Variants in IRF6 observed in about 807,000 individuals in gnomAD.
IRF6 encodes interferon regulatory factor 6, also known as Van der Woude syndrome.
Under a neutral mutation model 51.4 loss-of-function variants are expected in IRF6, and 6 were observed. The ratio of observed to expected loss-of-function variants is 0.12; its 90% CI spans 0.06 to 0.23. The LOEUF is 0.23. Ranked by LOEUF, IRF6 falls within the 10% of genes least tolerant of loss-of-function variation. The probability of loss-of-function intolerance (pLI) is 1.00; values close to 1 mark genes in which losing one functional copy is unlikely to be tolerated. For synonymous variants in IRF6, 178 were observed against 215.7 expected (o/e 0.83, Z 1.53); for missense variants, 348 against 585.2 (o/e 0.59, Z 4.18).
In IRF6 at chr1:209,788,395, AGAAG is replaced by A. The variant is rs1270579772; in HGVS notation, c.*21_*24del. 2 of 1,422,780 alleles carry A rather than the reference AGAAG, an allele frequency of 1.4e-6. No individual in the cohort carries two copies. The highest frequency in any genetic ancestry group is 3.3e-5 in the Admixed American group (2 of 59,748). 88.1% of individuals were successfully genotyped at this position (1,422,780 alleles called of 1,614,324 possible). ...CCATATGTACAATATTATAAAAAAGAGAAGGAAGAAGATGGCATTCACAATTACT... is the reference window on the plus strand; with the variant it reads ...CCATATGTACAATATTATAAAAAAGAGAAGAAGATGGCATTCACAATTACT... On this transcript the variant is annotated 3_prime_UTR_variant, in exon 9 of 9. Transcript: ENST00000367021.
At position 209,796,894 on chromosome 1, in the gene IRF6, A is replaced by G. The variant is rs1571983695; in HGVS notation, c.175-342T>C. ...GGGCTGAAGATAAAGCCTGCTGAAAATATGCACCAAAGTGCAGATGGTAAC... is the reference window on the plus strand; with the variant it reads ...GGGCTGAAGATAAAGCCTGCTGAAAGTATGCACCAAAGTGCAGATGGTAAC... On this transcript the variant is annotated intron_variant, in intron 3 of 8. Coordinates refer to ENST00000367021, the MANE Select transcript of IRF6 (RefSeq NM_006147.4). The surrounding 1 kb of genome is among the most constrained non-coding windows in gnomAD (Gnocchi z 4.5). Among the ~76,000 whole-genome samples, 1 of 152,266 alleles carries G rather than the reference A, an allele frequency of 6.6e-6. No individual in the cohort carries two copies. The highest frequency in any genetic ancestry group is 1.5e-5 in the Non-Finnish European group (1 of 68,052).
chr1:209,798,402 G>C (rs1413852062), intron 3 of IRF6, among the ~76,000 whole-genome samples: 1 of 152,172 alleles, frequency 6.6e-6, no homozygotes, highest in Non-Finnish European at 1.5e-5. Flanking sequence ...GCCCCACCCA[G>C]CTGACTCGGG....
At position 209,788,287 on chromosome 1, in the gene IRF6, CA is replaced by C; in HGVS notation, c.*132del. ...AAATTAAATCAGCTTTAAATCTAGG[CA>C]TATTTGGAGAATCACAAACTTCTAA... is the stretch of plus-strand genomic sequence containing the variant. On this transcript the variant is annotated 3_prime_UTR_variant, in exon 9 of 9. Coordinates refer to ENST00000367021, the MANE Select transcript of IRF6 (RefSeq NM_006147.4). 1 of 665,206 alleles carries C rather than the reference CA, an allele frequency of 1.5e-6. No individual in the cohort carries two copies. Among genetic ancestry groups the C allele is most frequent in the Non-Finnish European group, 2.6e-6 (1 of 389,642 alleles). The allele number at this position is 665,206 out of a possible 1,614,324, so 41.2% of individuals were successfully genotyped here.
chr1:209,795,878 GTTAA>G (rs1156976177), intron 4 of IRF6, among the ~76,000 whole-genome samples: 1 of 152,074 alleles, frequency 6.6e-6, no homozygotes, highest in African/African-American at 2.4e-5. Flanking sequence ...TACAGATCAT[GTTAA>G]TTGATTCTCA....
intron 5 of IRF6, 121 bp downstream of exon 5, chr1:209,795,169 A>G: frequency 8.7e-7 from 1 of 1,143,514 alleles, no homozygotes. Context: ...ACAGTCCAGC[A>G]GTCTGGCTGC....
chr1:209,800,572 C>T (rs141883280), intron 3 of IRF6, among the ~76,000 whole-genome samples: 1,759 of 152,180 alleles, frequency 0.012, 34 homozygotes, highest in African/African-American at 0.039. Flanking sequence ...GCCTGGGCAA[C>T]ATGGTGAAAC....
At chr1:209,797,801 A>G (rs892407344) in intron 3 of IRF6, among the ~76,000 whole-genome samples, 2 of 152,180 alleles carry the variant, frequency 1.3e-5, no homozygotes, top group Non-Finnish European at 2.9e-5. Flanking sequence ...ACTCTCCCCC[A>G]TTGCTAACAA....
At position 209,786,627 on chromosome 1, in the gene IRF6, C is replaced by T. The variant is rs967437355; in HGVS notation, c.*1793G>A. 6.6e-5 allele frequency: 10 copies of T among 152,246 alleles called. No individual in the cohort carries two copies. The highest frequency in any genetic ancestry group is 3.4e-3 in the Middle Eastern group (1 of 294). 9.4% of individuals were successfully genotyped at this position (152,246 alleles called of 1,614,324 possible). On this transcript the variant is annotated 3_prime_UTR_variant, in exon 9 of 9. Transcript: ENST00000367021. ...AAGTTTCTGTGCCTTTAATGCTTCC[C>T]GGTCCCTAAAAGCCCAACTTTTCCT... is the stretch of plus-strand genomic sequence containing the variant.
At chr1:209,794,084 T>A (rs2077886373) in intron 5 of IRF6, among the ~76,000 whole-genome samples, 1 of 152,214 alleles carries the variant, frequency 6.6e-6, no homozygotes, top group African/African-American at 2.4e-5. Context: ...TTTGGGTATA[T>A]ACCCAATAAT....
chr1:209,793,864 C>A (rs933542754), intron 5 of IRF6, among the ~76,000 whole-genome samples: 1 of 152,140 alleles, frequency 6.6e-6, no homozygotes, highest in Non-Finnish European at 1.5e-5. Context: ...AGGATAATGC[C>A]CTCCAGCTAC....
chr1:209,796,220 G>T lies in IRF6; in HGVS notation c.379+128C>A. ...TTTTGTTTTCTGGGTCCTTCCCAGA[G>T]AAAGGCTTTCTTGCTTTATCCATCT... On this transcript the variant is annotated intron_variant, in intron 4 of 8. Transcript: ENST00000367021. This position sits in a 1 kb window ranked among gnomAD's most constrained non-coding sequence, Gnocchi z 4.5. 1.3e-6 allele frequency: 1 copy of T among 781,850 alleles called. No individual in the cohort carries two copies. The highest frequency in any genetic ancestry group is 2.1e-6 in the Non-Finnish European group (1 of 486,122). 48.4% of individuals were successfully genotyped at this position (781,850 alleles called of 1,614,324 possible).
intron 3 of IRF6, among the ~76,000 whole-genome samples, chr1:209,800,796 CCCT>C (rs1318863337): frequency 2.6e-5 from 4 of 152,074 alleles, no homozygotes; most frequent in African/African-American, 9.7e-5. Flanking sequence ...TTGCTGAGAG[CCCT>C]CTATACCAAT....
chr1:209,792,262 CACTT>C lies in IRF6; in HGVS notation c.667+3_667+6del. 6.2e-7 allele frequency: 1 copy of C among 1,612,916 alleles called. No individual in the cohort carries two copies. The highest frequency in any genetic ancestry group is 1.3e-5 in the African/African-American group (1 of 75,034). ...AGACCGAGCAAGAAAGATAAAGTCT[CACTT>C]ACTTGGGAGAGAGCTGATCCACAGT... On this transcript the variant is annotated splice_donor_5th_base_variant and intron_variant, in intron 6 of 8. Coordinates refer to ENST00000367021, the MANE Select transcript of IRF6 (RefSeq NM_006147.4).
rs758921061 is a variant in IRF6 at position 209,796,538 on chromosome 1, C to T, written c.189G>A (p.Glu63=). The change falls in exon 4 of 9, where the codon GAG becomes GAA. Residue 63 remains glutamate (E), a synonymous_variant. Coordinates refer to ENST00000367021, the MANE Select transcript of IRF6 (RefSeq NM_006147.4). The surrounding 1 kb of genome is among the most constrained non-coding windows in gnomAD (Gnocchi z 4.5). ...CCACCCCTTCCTGGTACTTCCCTGTCTCTACAGCCCAGGCCTGAGAACAAG... is the reference window on the plus strand; with the variant it reads ...CCACCCCTTCCTGGTACTTCCCTGTTTCTACAGCCCAGGCCTGAGAACAAG... ...ENTIFKAWAV[E]TGKYQEGVDD... 6.8e-6 allele frequency: 11 copies of T among 1,612,764 alleles called. No homozygotes were observed. The Admixed American group carries it at 1.3e-4, about 20-fold the overall frequency.
intron 6 of IRF6, among the ~76,000 whole-genome samples, chr1:209,791,280 A>T (rs2077867489): frequency 6.6e-6 from 1 of 152,264 alleles, no homozygotes; most frequent in South Asian, 2.1e-4. Context: ...AAGAAACTTG[A>T]GGAAGAAGAA....
chr1:209,801,400 G>T lies in IRF6; in HGVS notation c.14C>A (p.Pro5His). The T allele has an allele frequency of 6.2e-7, 1 of 1,603,646 alleles. No homozygotes were observed. Among genetic ancestry groups the T allele is most frequent in the Non-Finnish European group, 8.5e-7 (1 of 1,175,500 alleles). Residue 5 changes from proline to histidine, a missense_variant, in exon 3 of 9, where the codon CCC becomes CAC. Pro to His is a moderately conservative substitution (Grantham distance 77). Around this residue, in one of 5 missense-constraint regions of IRF6, gnomAD observed 48 missense variants for 128.1 expected, o/e 0.37. Coordinates refer to ENST00000367021, the MANE Select transcript of IRF6 (RefSeq NM_006147.4). ...CCAGGGCTTTAGCCGGACTCTGCGG[G>T]GGTGGAGGGCCATGATCTGGGGGGG... MALH[P>H]RRVRLKPWLV...
At chr1:209,792,154 C>T in intron 6 of IRF6, 115 bp downstream of exon 6, 1 of 1,170,422 alleles carries the variant, frequency 8.5e-7, no homozygotes, top group South Asian at 1.3e-5. Flanking sequence ...CAGAGGATGC[C>T]TCTGAGACAG....
chr1:209,789,558 C>T lies in IRF6; in HGVS notation c.1179+109G>A. 3.6e-6 allele frequency: 3 copies of T among 830,458 alleles called. No individual in the cohort carries two copies. In the South Asian group the frequency reaches 4.0e-5, roughly 11 times the overall value. 51.4% of individuals were successfully genotyped at this position (830,458 alleles called of 1,614,324 possible). On this transcript the variant is annotated intron_variant, in intron 8 of 8. Coordinates refer to ENST00000367021, the MANE Select transcript of IRF6 (RefSeq NM_006147.4). ...GAGTCTGTTACCCCATCTGATGAGA[C>T]TGAAACCTACATGGGCTGATGGATG... is the stretch of plus-strand genomic sequence containing the variant.
chr1:209,796,375 G>C lies in IRF6; in HGVS notation c.352C>G (p.Gln118Glu), dbSNP rs1057520569. The change falls in exon 4 of 9, where the codon CAG (glutamine) becomes GAG (glutamate). Residue 118 changes from glutamine to glutamate, a missense_variant. Coordinates refer to ENST00000367021, the MANE Select transcript of IRF6 (RefSeq NM_006147.4). This position sits in a 1 kb window ranked among gnomAD's most constrained non-coding sequence, Gnocchi z 4.5. ...GGGTTAATGATCGAGCCCTGGGGCT[G>C]AGGGATGTCACACACTTGATATATC... The part of the protein sequence containing the change: ...VKIYQVCDIP[Q>E]PQGSIINPGS... 5 of 1,613,992 alleles carry C rather than the reference G, an allele frequency of 3.1e-6. No homozygotes were observed. Among genetic ancestry groups the C allele is most frequent in the Non-Finnish European group, 4.2e-6 (5 of 1,180,034 alleles).
Sources: allele counts gnomAD v4.1 joint callset (sites outside exome capture counted in the v4.1 genomes callset), GRCh38; gene constraint gnomAD v4.1.1; regional missense constraint gnomAD v4.1.1; non-coding constraint Gnocchi (gnomAD v3.1); transcripts MANE v1.5; gene names NCBI Gene and HGNC (gene_info 2026-07-23, HGNC 2026-07-21).